The following AGTPBP1 variants were observed in gnomAD, a reference collection of about 807,000 sequenced individuals.
The protein encoded by AGTPBP1 is cytosolic carboxypeptidase 1.
Under a neutral mutation model 143.9 loss-of-function variants are expected in AGTPBP1, and 70 were observed. The observed-to-expected ratio is 0.49, with a 90% CI of 0.40 to 0.59. The LOEUF (loss-of-function observed/expected upper bound fraction) is 0.59. AGTPBP1 is among the 20% of genes least tolerant of loss of function. The pLI, the probability that AGTPBP1 is intolerant of heterozygous loss-of-function variation, is 0.00. For missense variants in AGTPBP1, 1,229 were observed against 1,464.5 expected (o/e 0.84, Z 2.62); for synonymous variants, 463 against 500.2 (o/e 0.93, Z 0.99).
chr9:85,717,083 C>G (rs934266427), intron 1 of AGTPBP1, among the ~76,000 whole-genome samples: 1 of 152,214 alleles, frequency 6.6e-6, no homozygotes. Flanking sequence ...TTCAATACAA[C>G]CCATCCCAAC....
At chr9:85,740,043 A>G (rs773758453) in intron 1 of AGTPBP1, among the ~76,000 whole-genome samples, 3 of 152,138 alleles carry the variant, frequency 2.0e-5, no homozygotes, top group African/African-American at 7.2e-5. Flanking sequence ...ACAAAATTTC[A>G]TAACTGTTGG....
chr9:85,585,196 A>G (rs1243421342), intron 23 of AGTPBP1, among the ~76,000 whole-genome samples: 1 of 152,336 alleles, frequency 6.6e-6, no homozygotes, highest in Admixed American at 6.5e-5. Context: ...GGCATCATCA[A>G]ATTGACAGAA....
At chr9:85,761,153 A>G in the AGTPBP1 span, among the ~76,000 whole-genome samples, 118 of 152,292 alleles carry the variant, frequency 7.7e-4, no homozygotes, top group African/African-American at 2.7e-3. Context: ...AACATTCCAT[A>G]CTCATGGGTA....
At chr9:85,619,399 G>A in intron 15 of AGTPBP1, 98 bp from the exon 16 acceptor site, 1 of 772,826 alleles carries the variant, frequency 1.3e-6, no homozygotes, top group Non-Finnish European at 2.0e-6. Flanking sequence ...CATCACTACT[G>A]CCATATCACC....
intron 11 of AGTPBP1, among the ~76,000 whole-genome samples, chr9:85,649,910 T>C (rs1295762795): frequency 6.6e-6 from 1 of 152,132 alleles, no homozygotes; most frequent in Admixed American, 6.5e-5. Flanking sequence ...ACGTAAACAA[T>C]ACTGCTCAAC....
the AGTPBP1 span, among the ~76,000 whole-genome samples, chr9:85,780,844 C>T: frequency 1.6e-4 from 25 of 152,246 alleles, no homozygotes; most frequent in South Asian, 4.1e-3. Flanking sequence ...CAGCCGGGCA[C>T]GGTGGCTCAT....
chr9:85,733,628 A>C (rs550660308), intron 1 of AGTPBP1, among the ~76,000 whole-genome samples: 1 of 152,280 alleles, frequency 6.6e-6, no homozygotes, highest in African/African-American at 2.4e-5. Flanking sequence ...AGAAATAATT[A>C]AAATAGAGAC....
chr9:85,616,224 G>A (rs764443614), intron 17 of AGTPBP1, among the ~76,000 whole-genome samples: 1 of 151,900 alleles, frequency 6.6e-6, no homozygotes, highest in Non-Finnish European at 1.5e-5. Context: ...TACATAGTGA[G>A]TTTGGAAAGT....
the AGTPBP1 span, among the ~76,000 whole-genome samples, chr9:85,750,832 C>T: frequency 6.6e-6 from 1 of 152,196 alleles, no homozygotes; most frequent in Non-Finnish European, 1.5e-5. Flanking sequence ...CTCCCACTAG[C>T]ATTATAAGCC....
At chr9:85,761,265 A>G in the AGTPBP1 span, among the ~76,000 whole-genome samples, 5 of 152,254 alleles carry the variant, frequency 3.3e-5, no homozygotes, top group Non-Finnish European at 7.3e-5. Flanking sequence ...CAGAATTGGA[A>G]AAAACTACTT....
At chr9:85,657,396 T>C (rs778412924) in intron 10 of AGTPBP1, 39 bp downstream of exon 10, 1 of 1,507,518 alleles carries the variant, frequency 6.6e-7, no homozygotes, top group Non-Finnish European at 9.1e-7. Flanking sequence ...AATCATATTA[T>C]TAGTACATAA....
chr9:85,615,000 G>A (rs1303783086), intron 17 of AGTPBP1, among the ~76,000 whole-genome samples: 1 of 152,020 alleles, frequency 6.6e-6, no homozygotes, highest in East Asian at 1.9e-4. Context: ...TCGTTCATTC[G>A]TGGCTCAGGT....
In AGTPBP1 at chr9:85,588,222, C is replaced by T. The variant is rs534156788; in HGVS notation, c.2903+76G>A. 40 of 1,227,676 alleles carry T rather than the reference C, an allele frequency of 3.3e-5. No homozygotes were observed. The East Asian group carries it at 1.0e-3, about 32-fold the overall frequency. The allele number at this position is 1,227,676 out of a possible 1,614,324, so 76.0% of individuals were successfully genotyped here. On this transcript the variant is annotated intron_variant, in intron 21 of 25. Transcript: ENST00000357081. ...AAATCACTAAGTTTGTTAACCTGGA[C>T]ATTGTTATTTCAACAAGTTTATACA...
At chr9:85,551,383 C>G (rs1826030227) in intron 25 of AGTPBP1, among the ~76,000 whole-genome samples, 1 of 152,160 alleles carries the variant, frequency 6.6e-6, no homozygotes, top group East Asian at 1.9e-4. Flanking sequence ...GAATATGTGT[C>G]CCTTCTCTAT....
chr9:85,550,652 A>G (rs895371348), intron 25 of AGTPBP1, among the ~76,000 whole-genome samples: 1 of 152,088 alleles, frequency 6.6e-6, no homozygotes, highest in Non-Finnish European at 1.5e-5. Flanking sequence ...GACTTGCCAG[A>G]TATAGTCCCA....
In AGTPBP1 at chr9:85,621,247, TG is replaced by T; in HGVS notation, c.2053del (p.Gln685ArgfsTer5). ...IAQDIERLIH[Q>X]SDIIDRVVYD... ...TACCACACGATCTATGATATCACTC[TG>T]ATGTATTAGCCTTTCAATATCTTGA... On this transcript the variant is annotated frameshift_variant, in exon 15 of 26. Coordinates refer to ENST00000357081, the MANE Select transcript of AGTPBP1 (RefSeq NM_001330701.2). LOFTEE classifies it high-confidence loss of function. 1 of 1,463,942 alleles carries T rather than the reference TG, an allele frequency of 6.8e-7. No individual in the cohort carries two copies. The highest frequency in any genetic ancestry group is 1.5e-5 in the African/African-American group (1 of 68,186). 90.7% of individuals were successfully genotyped at this position (1,463,942 alleles called of 1,614,324 possible). A position where few individuals can be genotyped will look rare whatever the true frequency, so the allele number is the denominator to read the frequency against.
At chr9:85,685,712 A>C (rs371996265) in intron 3 of AGTPBP1, among the ~76,000 whole-genome samples, 1 of 152,104 alleles carries the variant, frequency 6.6e-6, no homozygotes, top group Non-Finnish European at 1.5e-5. Context: ...AATGGTAAAT[A>C]TCTCTGCAAA....
the AGTPBP1 span, among the ~76,000 whole-genome samples, chr9:85,789,547 T>C: frequency 6.6e-6 from 1 of 152,212 alleles, no homozygotes; most frequent in South Asian, 2.1e-4. Flanking sequence ...CTAACAGAGA[T>C]GGAAAATTCT....
intron 11 of AGTPBP1, among the ~76,000 whole-genome samples, chr9:85,649,675 T>C (rs993218019): frequency 9.9e-5 from 15 of 152,270 alleles, no homozygotes; most frequent in South Asian, 6.2e-4. Context: ...TGGCTATTGA[T>C]TTGAGCTAGA....
Sources: allele counts gnomAD v4.1 joint callset (sites outside exome capture counted in the v4.1 genomes callset), GRCh38; gene constraint gnomAD v4.1.1; transcripts MANE v1.5; gene names NCBI Gene and HGNC (gene_info 2026-07-23, HGNC 2026-07-21).